The following WDR70 variants were observed in gnomAD, a reference collection of about 807,000 sequenced individuals.
The protein encoded by WDR70 is WD repeat domain 70.
Under a neutral mutation model 88.6 loss-of-function variants are expected in WDR70, and 53 were observed. The ratio of observed to expected loss-of-function variants is 0.60; its 90% CI spans 0.48 to 0.75. The LOEUF (loss-of-function observed/expected upper bound fraction) is 0.75. Ranked by LOEUF, WDR70 falls within the 30% of genes least tolerant of loss-of-function variation. The pLI is 0.00. For synonymous variants in WDR70, 280 were observed against 270.0 expected, an observed-to-expected ratio of 1.04 and a Z score of -0.36; for missense variants, 610 against 823.2, an observed-to-expected ratio of 0.74 and a Z score of 3.17.
chr5:37,559,578 C>T (rs530097885), intron 9 of WDR70, among the ~76,000 whole-genome samples: 1 of 152,298 alleles, frequency 6.6e-6, no homozygotes, highest in East Asian at 1.9e-4. Flanking sequence ...GGCGCAGTGG[C>T]TCACGCCTGT....
chr5:37,546,081 T>C (rs1741983046), intron 9 of WDR70, among the ~76,000 whole-genome samples: 1 of 152,194 alleles, frequency 6.6e-6, no homozygotes, highest in Admixed American at 6.5e-5. Context: ...AATGTATTGA[T>C]CAGGGAAGAG....
chr5:37,412,149 G>C (rs534946521), intron 5 of WDR70, among the ~76,000 whole-genome samples: 11 of 152,284 alleles, frequency 7.2e-5, no homozygotes, highest in South Asian at 2.1e-4. Context: ...CACTTTGGGA[G>C]GCTGAGGCGG....
At chr5:37,520,467 T>G (rs1020646003) in intron 9 of WDR70, among the ~76,000 whole-genome samples, 1 of 152,100 alleles carries the variant, frequency 6.6e-6, no homozygotes, top group African/African-American at 2.4e-5. Context: ...TTTTCCTATC[T>G]TAGTCTTTGC....
intron 9 of WDR70, among the ~76,000 whole-genome samples, chr5:37,531,315 G>A (rs1234497292): frequency 6.6e-6 from 1 of 152,090 alleles, no homozygotes; most frequent in East Asian, 1.9e-4. Context: ...TTGTTGTATA[G>A]TTTAAGTCCA....
intron 17 of WDR70, among the ~76,000 whole-genome samples, chr5:37,745,194 A>G (rs1011840667): frequency 2.6e-5 from 4 of 152,156 alleles, no homozygotes; most frequent in African/African-American, 9.7e-5. Flanking sequence ...TAAGCGAAGG[A>G]GAAATAAAAT....
At chr5:37,574,926 C>T (rs2112412871) in intron 9 of WDR70, among the ~76,000 whole-genome samples, 1 of 152,252 alleles carries the variant, frequency 6.6e-6, no homozygotes, top group Middle Eastern at 3.4e-3. Flanking sequence ...TCCACAATGA[C>T]CCATGTTGTC....
At chr5:37,446,159 A>G (rs1174617602) in intron 7 of WDR70, among the ~76,000 whole-genome samples, 2 of 152,202 alleles carry the variant, frequency 1.3e-5, no homozygotes, top group Non-Finnish European at 2.9e-5. Flanking sequence ...ACACACAGAG[A>G]ACCAAATCAC....
intron 8 of WDR70, among the ~76,000 whole-genome samples, chr5:37,510,973 G>A (rs1027749730): frequency 6.6e-6 from 1 of 152,194 alleles, no homozygotes; most frequent in Non-Finnish European, 1.5e-5. Context: ...GCTTCAGTTT[G>A]TCCTTGCATT....
chr5:37,468,960 C>G (rs1739245733), intron 7 of WDR70, among the ~76,000 whole-genome samples: 1 of 152,140 alleles, frequency 6.6e-6, no homozygotes, highest in Admixed American at 6.6e-5. Context: ...TCAGGAGATC[C>G]TGGAACTAGT....
At chr5:37,666,955 T>C (rs1421348226) in intron 10 of WDR70, among the ~76,000 whole-genome samples, 1 of 152,102 alleles carries the variant, frequency 6.6e-6, no homozygotes, top group Non-Finnish European at 1.5e-5. Context: ...TCCATGCACT[T>C]AGGACAATAT....
At chr5:37,563,609 A>AC (rs540581148) in intron 9 of WDR70, among the ~76,000 whole-genome samples, 2 of 1,642 alleles carry the variant, frequency 1.2e-3, no homozygotes, top group African/African-American at 8.5e-3. Context: ...CGGGGGGATG[A>AC]CCCCCCCCAC....
chr5:37,457,578 C>T (rs903885864), intron 7 of WDR70, among the ~76,000 whole-genome samples: 4 of 152,160 alleles, frequency 2.6e-5, no homozygotes, highest in Non-Finnish European at 5.9e-5. Flanking sequence ...GTTCCTCTGA[C>T]ACATATATCC....
At chr5:37,597,641 A>G (rs1357935552) in intron 9 of WDR70, among the ~76,000 whole-genome samples, 1 of 152,110 alleles carries the variant, frequency 6.6e-6, no homozygotes, top group East Asian at 1.9e-4. Context: ...TGGTTTCTCT[A>G]CCTTGCTGCT....
chr5:37,499,405 C>T (rs188485811), intron 8 of WDR70, among the ~76,000 whole-genome samples: 8 of 151,974 alleles, frequency 5.3e-5, no homozygotes, highest in Non-Finnish European at 8.8e-5. Flanking sequence ...TGGGCCACCA[C>T]ACCCGGCCTG....
chr5:37,510,093 A>T (rs916968687), intron 8 of WDR70, among the ~76,000 whole-genome samples: 3 of 152,108 alleles, frequency 2.0e-5, no homozygotes, highest in African/African-American at 7.2e-5. Context: ...CCCCAAAAAA[A>T]AACTTAATAA....
chr5:37,673,230 T>C (rs1216227903), intron 10 of WDR70, among the ~76,000 whole-genome samples: 1 of 152,162 alleles, frequency 6.6e-6, no homozygotes, highest in Admixed American at 6.5e-5. Flanking sequence ...AAAGATGTGA[T>C]CTCATTCTTC....
In WDR70 at chr5:37,703,091, C is replaced by G; in HGVS notation, c.1416+4C>G. On this transcript the variant is annotated splice_donor_region_variant and intron_variant, in intron 13 of 17. Coordinates refer to ENST00000265107, the MANE Select transcript of WDR70 (RefSeq NM_018034.4). ...TGAAATAGACATCACAGATGCGGTACGTATATTCTTTTCTCCTCAGCCTTG... is the reference window on the plus strand; with the variant it reads ...TGAAATAGACATCACAGATGCGGTAGGTATATTCTTTTCTCCTCAGCCTTG... 4 of 1,600,024 alleles carry G rather than the reference C, an allele frequency of 2.5e-6. No homozygotes were observed. The highest frequency in any genetic ancestry group is 3.4e-6 in the Non-Finnish European group (4 of 1,168,406).
intron 7 of WDR70, among the ~76,000 whole-genome samples, chr5:37,462,601 C>T (rs1161582736): frequency 6.6e-6 from 1 of 152,144 alleles, no homozygotes; most frequent in Non-Finnish European, 1.5e-5. Context: ...CGCACCCGGC[C>T]CAAGTCCTTA....
At chr5:37,595,310 A>G (rs1333254657) in intron 9 of WDR70, among the ~76,000 whole-genome samples, 1 of 152,194 alleles carries the variant, frequency 6.6e-6, no homozygotes, top group Non-Finnish European at 1.5e-5. Flanking sequence ...GTTGACTAGC[A>G]ACAAACAATT....
Sources: gnomAD v4.1 joint callset for allele counts (sites outside exome capture counted in the v4.1 genomes callset) on GRCh38, gnomAD v4.1.1 for gene constraint, MANE v1.5 for transcripts, NCBI Gene and HGNC (gene_info 2026-07-23, HGNC 2026-07-21) for gene names.